Variants in BMPR1A observed in about 807,000 individuals in gnomAD.
The protein encoded by BMPR1A is bone morphogenetic protein receptor type-1A.
BMPR1A carries 7 observed loss-of-function variants against 66.0 expected under a neutral mutation model. The observed-to-expected ratio is 0.11, with a 90% CI of 0.06 to 0.20. The LOEUF (loss-of-function observed/expected upper bound fraction) is 0.20. BMPR1A is among the 10% of genes least tolerant of loss of function. The probability of loss-of-function intolerance (pLI) is 1.00; values close to 1 mark genes in which losing one functional copy is unlikely to be tolerated. For missense variants in BMPR1A, 408 were observed against 669.1 expected, an observed-to-expected ratio of 0.61 and a Z score of 4.31; for synonymous variants, 200 against 229.7, an observed-to-expected ratio of 0.87 and a Z score of 1.17.
chr10:86,779,154 C>G (rs7096781), intron 1 of BMPR1A, among the ~76,000 whole-genome samples: 1 of 151,782 alleles, frequency 6.6e-6, no homozygotes, highest in Non-Finnish European at 1.5e-5. Flanking sequence ...TTAGATGTCC[C>G]GTTTGTCTAA....
intron 1 of BMPR1A, among the ~76,000 whole-genome samples, chr10:86,826,411 AACACAC>A (rs34389289): frequency 2.6e-4 from 38 of 147,000 alleles, no homozygotes; most frequent in Non-Finnish European, 4.8e-4. Flanking sequence ...CAATCAAGGA[AACACAC>A]ACACACACAC....
rs768904757 is a variant in BMPR1A, at chr10:86,876,101, T to G, written c.67+16T>G. The G allele has an allele frequency of 1.9e-6, 3 of 1,597,314 alleles. No individual in the cohort carries two copies. The highest frequency in any genetic ancestry group is 2.6e-6 in the Non-Finnish European group (3 of 1,165,046). On this transcript the variant is annotated intron_variant, in intron 3 of 12. Coordinates refer to ENST00000372037, the MANE Select transcript of BMPR1A (RefSeq NM_004329.3). ...CGTGTTCAAGGTAAATCAGTGTTCA[T>G]TTTAGTAATGTATGTGTGTATATAA...
At chr10:86,784,075 T>A (rs1173417107) in intron 1 of BMPR1A, among the ~76,000 whole-genome samples, 1 of 152,226 alleles carries the variant, frequency 6.6e-6, no homozygotes, top group Non-Finnish European at 1.5e-5. Flanking sequence ...GGAGATAATT[T>A]TACTTCTTCC....
At chr10:86,759,595 C>T (rs958066084) in intron 1 of BMPR1A, among the ~76,000 whole-genome samples, 1 of 152,174 alleles carries the variant, frequency 6.6e-6, no homozygotes. Context: ...GTTGATTCTG[C>T]TTTATGATAT....
At chr10:86,829,660 T>G (rs1345580339) in intron 1 of BMPR1A, among the ~76,000 whole-genome samples, 1 of 152,224 alleles carries the variant, frequency 6.6e-6, no homozygotes, top group African/African-American at 2.4e-5. Flanking sequence ...TATTAATAAA[T>G]GGAATCACAT....
intron 1 of BMPR1A, among the ~76,000 whole-genome samples, chr10:86,786,069 C>G (rs1207059634): frequency 1.3e-5 from 2 of 152,152 alleles, no homozygotes; most frequent in Non-Finnish European, 2.9e-5. Context: ...ATCTGCAAAG[C>G]TCCTGCCACT....
intron 5 of BMPR1A, among the ~76,000 whole-genome samples, chr10:86,897,616 A>AT (rs1430335249): frequency 2.0e-5 from 3 of 152,074 alleles, no homozygotes; most frequent in South Asian, 4.2e-4. Flanking sequence ...TATAGAGCAG[A>AT]TTTTTTTAAA....
intron 3 of BMPR1A, among the ~76,000 whole-genome samples, chr10:86,878,897 T>C (rs970194333): frequency 3.9e-5 from 6 of 152,160 alleles, no homozygotes; most frequent in African/African-American, 1.4e-4. Context: ...AAAATAGGTA[T>C]CAATTGGACA....
intron 1 of BMPR1A, among the ~76,000 whole-genome samples, chr10:86,797,068 C>CTTTTTTTTTTTTTTTTTTTTTTTTT (rs780930060): frequency 1.9e-5 from 2 of 105,028 alleles, no homozygotes; most frequent in Non-Finnish European, 3.9e-5. Flanking sequence ...CTTTTCTTTT[C>CTTTTTTTTTTTTTTTTTTTTTTTTT]TTTTTTTTTT....
rs1408490463 is a variant in BMPR1A, at chr10:86,925,334, A to ACAG, written c.*1617_*1618insGCA. On this transcript the variant is annotated 3_prime_UTR_variant, in exon 13 of 13. Transcript: ENST00000372037. ...AACATAAAATAAATGTGATTATATC[A>ACAG]CATCATCATCAAAAAGGTTTAAATT... The ACAG allele has an allele frequency of 9.0e-6, 2 of 221,390 alleles. No homozygotes were observed. Among genetic ancestry groups the ACAG allele is most frequent in the Non-Finnish European group, 1.8e-5 (2 of 110,848 alleles). The allele number at this position is 221,390 out of a possible 1,614,324, so 13.7% of individuals were successfully genotyped here.
At chr10:86,888,933 T>A (rs1235447296) in intron 3 of BMPR1A, among the ~76,000 whole-genome samples, 1 of 138,626 alleles carries the variant, frequency 7.2e-6, no homozygotes, top group Non-Finnish European at 1.7e-5. Context: ...ATATGTGATA[T>A]TTTTTGTCTT....
chr10:86,910,335 C>T (rs1210696458), intron 7 of BMPR1A, among the ~76,000 whole-genome samples: 1 of 151,986 alleles, frequency 6.6e-6, no homozygotes, highest in Non-Finnish European at 1.5e-5. Context: ...AAGACTCCAT[C>T]TCAAAATAAA....
At chr10:86,846,141 G>A (rs985367742) in intron 2 of BMPR1A, among the ~76,000 whole-genome samples, 1 of 152,104 alleles carries the variant, frequency 6.6e-6, no homozygotes. Context: ...CCTCAGTTGT[G>A]CTGGCAGTAG....
At chr10:86,782,796 T>G (rs1415981044) in intron 1 of BMPR1A, among the ~76,000 whole-genome samples, 1 of 152,148 alleles carries the variant, frequency 6.6e-6, no homozygotes, top group African/African-American at 2.4e-5. Context: ...TCTCTCATTC[T>G]GTAGGTTGCC....
intron 8 of BMPR1A, 44 bp downstream of exon 8, chr10:86,912,428 G>C (rs761369728): frequency 3.1e-6 from 5 of 1,607,342 alleles, no homozygotes; most frequent in Non-Finnish European, 4.3e-6. Context: ...TGTTGATTTA[G>C]AATGTGTCCT....
At chr10:86,870,764 C>T (rs1171741375) in intron 2 of BMPR1A, among the ~76,000 whole-genome samples, 4 of 152,054 alleles carry the variant, frequency 2.6e-5, no homozygotes, top group Non-Finnish European at 5.9e-5. Flanking sequence ...ATCCACTATA[C>T]CACTGCCACC....
Position 86,764,691 on chromosome 10 carries a change from G to C in BMPR1A, c.-268+7772G>C, listed in dbSNP as rs6586035. Among the ~76,000 whole-genome samples, 75,898 of 151,932 alleles carry C rather than the reference G, an allele frequency of 0.5. 19,773 individuals are homozygous for C. Among genetic ancestry groups the C allele is most frequent in the East Asian group, 0.72 (3,746 of 5,172 alleles). Reference sequence around the variant, plus strand: ...CTACTATTTTATCAGCCTAAGTCACGTAAATATCCGATTCAGGTTTGGGTT... The same window carrying C: ...CTACTATTTTATCAGCCTAAGTCACCTAAATATCCGATTCAGGTTTGGGTT... On this transcript the variant is annotated intron_variant, in intron 1 of 12. Coordinates refer to ENST00000372037, the MANE Select transcript of BMPR1A (RefSeq NM_004329.3).
At chr10:86,821,373 A>G (rs1842117920) in intron 1 of BMPR1A, among the ~76,000 whole-genome samples, 1 of 152,200 alleles carries the variant, frequency 6.6e-6, no homozygotes, top group Non-Finnish European at 1.5e-5. Context: ...TATTAACAAT[A>G]TTGTCTGACT....
rs11336478 is a variant in BMPR1A, at chr10:86,838,594, GT to G, written c.-267-259del. 1 allele frequency among the ~76,000 whole-genome samples: 140,025 copies of G among 140,674 alleles called. 69,688 individuals are homozygous for G. Among genetic ancestry groups the G allele is most frequent in the Middle Eastern group, 1 (280 of 280 alleles). 92.3% of individuals were successfully genotyped at this position (140,674 alleles called of 152,430 possible). On this transcript the variant is annotated intron_variant, in intron 1 of 12. Coordinates refer to ENST00000372037, the MANE Select transcript of BMPR1A (RefSeq NM_004329.3). ...TTTTTTTTTTTTCAAATTGAGATGA[GT>G]TTTTTTTTTTTCCATCAAAGCTTAA...
Sources: allele counts gnomAD v4.1 joint callset (sites outside exome capture counted in the v4.1 genomes callset), GRCh38; gene constraint gnomAD v4.1.1; transcripts MANE v1.5; gene names NCBI Gene and HGNC (gene_info 2026-07-23, HGNC 2026-07-21).